The following TEAD3 variants were observed in gnomAD, a reference collection of about 807,000 sequenced individuals.
TEAD3 encodes transcriptional enhancer factor TEF-5.
A neutral mutation model predicts 55.6 loss-of-function variants in TEAD3; 15 were observed. The observed-to-expected ratio is 0.27, with a 90% CI of 0.18 to 0.42. TEAD3 has a LOEUF of 0.42. TEAD3 is among the 10% of genes least tolerant of loss of function. The probability of loss-of-function intolerance (pLI) is 1.00; values close to 1 mark genes in which losing one functional copy is unlikely to be tolerated. For synonymous variants in TEAD3, 210 were observed against 232.2 expected (o/e 0.90, Z 0.87); for missense variants, 407 against 576.8 (o/e 0.71, Z 3.01).
chr6:35,492,266 G>A (rs372252466), intron 1 of TEAD3, among the ~76,000 whole-genome samples: 9 of 152,194 alleles, frequency 5.9e-5, no homozygotes, highest in Admixed American at 2.0e-4. Context: ...CGGGGGGGTC[G>A]AGGATGGGGA....
chr6:35,495,956 C>T (rs898525910), intron 1 of TEAD3, among the ~76,000 whole-genome samples: 5 of 152,200 alleles, frequency 3.3e-5, no homozygotes, highest in Middle Eastern at 3.2e-3. Context: ...TTCCCCCTCG[C>T]ACTGAAAGAA....
At chr6:35,477,100 C>T (rs1768164010) in intron 8 of TEAD3, among the ~76,000 whole-genome samples, 1 of 152,226 alleles carries the variant, frequency 6.6e-6, no homozygotes, top group Non-Finnish European at 1.5e-5. Flanking sequence ...GGGTTACAGG[C>T]ATGAGCCACC....
chr6:35,478,719 G>T lies in TEAD3; in HGVS notation c.343-148C>A, dbSNP rs559267866. 42 of 1,114,342 alleles carry T rather than the reference G, an allele frequency of 3.8e-5. No individual in the cohort carries two copies. In the African/African-American group the frequency reaches 4.4e-4, roughly 12 times the overall value. 69.0% of individuals were successfully genotyped at this position (1,114,342 alleles called of 1,614,324 possible). ...AGGCCTGGATTCCAGCCCCAGCTCTGCTGTGTGATCTTGGGAGAGTCTCTG... is the reference window on the plus strand; with the variant it reads ...AGGCCTGGATTCCAGCCCCAGCTCTTCTGTGTGATCTTGGGAGAGTCTCTG... On this transcript the variant is annotated intron_variant, in intron 5 of 12. Transcript: ENST00000639578.
rs1353843931 is a variant in TEAD3 at position 35,489,770 on chromosome 6, G to A, written c.-49-3059C>T. On this transcript the variant is annotated intron_variant, in intron 1 of 12. Transcript: ENST00000639578. ...TAAATAAATAAATAAGGAAATGTGG[G>A]GGGTGGTGGCTCACGACTATAATCC... Among the ~76,000 whole-genome samples the A allele has an allele frequency of 2.0e-5, 3 of 152,174 alleles. No individual in the cohort carries two copies. In the East Asian group the frequency reaches 5.8e-4, roughly 29 times the overall value.
At chr6:35,494,681 G>A (rs879467387) in intron 1 of TEAD3, among the ~76,000 whole-genome samples, 1 of 152,114 alleles carries the variant, frequency 6.6e-6, no homozygotes, top group Non-Finnish European at 1.5e-5. Context: ...CGGGGAGGAG[G>A]AGGAGGGCAG....
chr6:35,489,768 G>T (rs907262442), intron 1 of TEAD3, among the ~76,000 whole-genome samples: 8 of 152,122 alleles, frequency 5.3e-5, no homozygotes, highest in African/African-American at 1.9e-4. Context: ...AAGGAAATGT[G>T]GGGGGTGGTG....
chr6:35,479,949 C>G, intron 4 of TEAD3: 1 of 965,640 alleles, frequency 1.0e-6, no homozygotes, highest in South Asian at 1.4e-5. Flanking sequence ...TCTGGACCCC[C>G]TCACAGCTTC....
At chr6:35,477,336 C>T in exon 8 of TEAD3, 1 of 1,605,728 alleles carries the variant, frequency 6.2e-7, no homozygotes, top group Non-Finnish European at 8.5e-7. Flanking sequence ...GCAGGGGCGG[C>T]TGGATGGGGT....
intron 9 of TEAD3, 56 bp from the exon 10 acceptor site, chr6:35,476,148 G>A: frequency 6.5e-7 from 1 of 1,530,904 alleles, no homozygotes. Flanking sequence ...AGGCCCGGGG[G>A]CGGGGAAGGG....
intron 1 of TEAD3, among the ~76,000 whole-genome samples, chr6:35,494,265 G>C (rs1210267730): frequency 6.6e-6 from 1 of 152,236 alleles, no homozygotes; most frequent in African/African-American, 2.4e-5. Flanking sequence ...AGGGAGCACA[G>C]GAAACAATCG....
At position 35,496,697 on chromosome 6, in the gene TEAD3, A is replaced by T. The variant is rs1379333865; in HGVS notation, c.-50+201T>A. 6.6e-6 allele frequency among the ~76,000 whole-genome samples: 1 copy of T among 151,450 alleles called. No individual in the cohort carries two copies. The highest frequency in any genetic ancestry group is 6.6e-5 in the Admixed American group (1 of 15,248). On this transcript the variant is annotated intron_variant, in intron 1 of 12. Coordinates refer to ENST00000639578, the Ensembl canonical transcript of TEAD3. This position sits in a 1 kb window ranked among gnomAD's most constrained non-coding sequence, Gnocchi z 4.8. ...TCGTCCCCGTCGCGGGGGGGTGGGGAGGGCGGGGGGCGGGGCTTCCCGGAG... is the reference window on the plus strand; with the variant it reads ...TCGTCCCCGTCGCGGGGGGGTGGGGTGGGCGGGGGGCGGGGCTTCCCGGAG...
intron 1 of TEAD3, among the ~76,000 whole-genome samples, chr6:35,493,157 C>T (rs897007541): frequency 3.3e-5 from 5 of 152,110 alleles, no homozygotes; most frequent in Admixed American, 6.5e-5. Flanking sequence ...CACTGTTACC[C>T]GCATCTCTCT....
chr6:35,475,752 G>A lies in TEAD3; in HGVS notation c.901-46C>T, dbSNP rs538245778. 2.4e-5 allele frequency: 36 copies of A among 1,527,988 alleles called. No homozygotes were observed. In the South Asian group the frequency reaches 4.7e-4, roughly 20 times the overall value. The allele number at this position is 1,527,988 out of a possible 1,614,324, so 94.7% of individuals were successfully genotyped here. A position where few individuals can be genotyped will look rare whatever the true frequency, so the allele number is the denominator to read the frequency against. ...TGTTAGGTGCTGGCAGAGACCAGAA[G>A]TATTCCCGCCACACCACATCAGAGT... On this transcript the variant is annotated intron_variant, in intron 10 of 12. Coordinates refer to ENST00000639578, the Ensembl canonical transcript of TEAD3. This position sits in a 1 kb window ranked among gnomAD's most constrained non-coding sequence, Gnocchi z 5.4.
intron 1 of TEAD3, among the ~76,000 whole-genome samples, chr6:35,495,736 G>A (rs554534846): frequency 8.5e-4 from 130 of 152,272 alleles, no homozygotes; most frequent in Middle Eastern, 6.8e-3. Context: ...CCAGCACTGG[G>A]GTGGAACATG....
chr6:35,487,217 C>A (rs1452509848), intron 1 of TEAD3, among the ~76,000 whole-genome samples: 1 of 151,576 alleles, frequency 6.6e-6, no homozygotes, highest in Non-Finnish European at 1.5e-5. Context: ...GTCAGGAGCT[C>A]AAGACCAACC....
Position 35,486,850 on chromosome 6 carries a change from G to GTAA in TEAD3, c.-49-142_-49-140dup. 1.6e-6 allele frequency: 1 copy of GTAA among 624,164 alleles called. No individual in the cohort carries two copies. The highest frequency in any genetic ancestry group is 2.8e-6 in the Non-Finnish European group (1 of 359,920). The allele number at this position is 624,164 out of a possible 1,614,324, so 38.7% of individuals were successfully genotyped here. On this transcript the variant is annotated intron_variant, in intron 1 of 12. Coordinates refer to ENST00000639578, the Ensembl canonical transcript of TEAD3. This position sits in a 1 kb window ranked among gnomAD's most constrained non-coding sequence, Gnocchi z 7.3. ...AGCAGGTGCTCCAGGTGGAACGGAGGTAACCAGAGGAACAACCACAGCTTG... is the reference window on the plus strand; with the variant it reads ...AGCAGGTGCTCCAGGTGGAACGGAGGTAATAACCAGAGGAACAACCACAGCTTG...
chr6:35,494,855 C>T (rs1768606051), intron 1 of TEAD3, among the ~76,000 whole-genome samples: 1 of 148,506 alleles, frequency 6.7e-6, no homozygotes, highest in African/African-American at 2.4e-5. Context: ...CCAAGCCCCC[C>T]TGTCCCTTGA....
chr6:35,478,502 T>C (rs1357338832), exon 6 of TEAD3: 4 of 1,611,460 alleles, frequency 2.5e-6, no homozygotes, highest in Admixed American at 1.7e-5. Flanking sequence ...TGCAGGACAC[T>C]GGCAGAGACG....
At chr6:35,478,155 T>C in intron 7 of TEAD3, 120 bp downstream of exon 7, 1 of 1,257,122 alleles carries the variant, frequency 8.0e-7, no homozygotes, top group Non-Finnish European at 1.1e-6. Context: ...CCACCCAGCC[T>C]GCATCCCTCT....
Sources: gnomAD v4.1 joint callset for allele counts (sites outside exome capture counted in the v4.1 genomes callset) on GRCh38, gnomAD v4.1.1 for gene constraint, Gnocchi (gnomAD v3.1) non-coding constraint, MANE v1.5 for transcripts, NCBI Gene and HGNC (gene_info 2026-07-23, HGNC 2026-07-21) for gene names.